ABCB5: variants seen among roughly 807,000 people sequenced by gnomAD.
ABCB5 encodes ATP binding cassette subfamily B member 5, also known as ATP-binding cassette sub-family B member 5.
A neutral mutation model predicts 144.2 loss-of-function variants in ABCB5; 155 were observed. The ratio of observed to expected loss-of-function variants is 1.08; its 90% CI spans 0.94 to 1.23. The LOEUF (loss-of-function observed/expected upper bound fraction) is 1.23, where lower values mean the gene tolerates loss of function less well. Among genes scored for constraint, ABCB5 ranks in the 50% most tolerant of loss-of-function variants. The pLI, the probability that ABCB5 is intolerant of heterozygous loss-of-function variation, is 0.00. For missense variants in ABCB5, 1,830 were observed against 1,520.8 expected, an observed-to-expected ratio of 1.20 and a Z score of -3.38; for synonymous variants, 610 against 528.6, an observed-to-expected ratio of 1.15 and a Z score of -2.11.
intron 22 of ABCB5, 59 bp from the exon 23 acceptor site, chr7:20,728,256 A>G (rs1315271798): frequency 6.3e-7 from 1 of 1,575,398 alleles, no homozygotes; most frequent in Non-Finnish European, 8.7e-7. Flanking sequence ...CTCTACATGT[A>G]TTCAATTGAC....
intron 20 of ABCB5, among the ~76,000 whole-genome samples, chr7:20,710,000 G>A (rs972863441): frequency 1.3e-4 from 20 of 148,282 alleles, no homozygotes; most frequent in Middle Eastern, 3.4e-3. Flanking sequence ...GCTTGAACCC[G>A]GGAGGTGGAG....
chr7:20,652,076 G>C (rs750286063), intron 13 of ABCB5, among the ~76,000 whole-genome samples: 5 of 152,152 alleles, frequency 3.3e-5, no homozygotes, highest in Non-Finnish European at 7.4e-5. Context: ...TGAAAGATAT[G>C]TTAAAGCATA....
intron 14 of ABCB5, chr7:20,659,022 A>G: frequency 6.2e-7 from 1 of 1,600,566 alleles, no homozygotes; most frequent in Non-Finnish European, 8.6e-7. Flanking sequence ...CTTCTTCTAC[A>G]TACACCTGTG....
At chr7:20,700,189 T>C in intron 19 of ABCB5, 54 bp downstream of exon 19, 1 of 1,417,628 alleles carries the variant, frequency 7.1e-7, no homozygotes, top group South Asian at 1.3e-5. Flanking sequence ...TTGTAAAACA[T>C]TCTAGCTTTA....
chr7:20,720,175 GTA>G (rs1291980657), intron 20 of ABCB5, among the ~76,000 whole-genome samples: 2 of 152,098 alleles, frequency 1.3e-5, no homozygotes, highest in Non-Finnish European at 1.5e-5. Context: ...AAACTGATAG[GTA>G]TATGTCAAAG....
chr7:20,685,195 T>G (rs1453706828), intron 15 of ABCB5, among the ~76,000 whole-genome samples: 1 of 152,084 alleles, frequency 6.6e-6, no homozygotes, highest in Non-Finnish European at 1.5e-5. Flanking sequence ...TGTTGAGGAG[T>G]AGGCCCTGTT....
At chr7:20,731,104 C>G (rs561375039) in intron 23 of ABCB5, among the ~76,000 whole-genome samples, 3 of 151,812 alleles carry the variant, frequency 2.0e-5, no homozygotes, top group Non-Finnish European at 2.9e-5. Flanking sequence ...CCTGTAGTCC[C>G]AACACTTTGG....
At chr7:20,749,660 T>A (rs1782855597) in intron 26 of ABCB5, among the ~76,000 whole-genome samples, 1 of 151,972 alleles carries the variant, frequency 6.6e-6, no homozygotes, top group South Asian at 2.1e-4. Flanking sequence ...TGAAGCCCAA[T>A]AGTTAAGATG....
intron 26 of ABCB5, among the ~76,000 whole-genome samples, chr7:20,750,059 T>C (rs1782868509): frequency 6.6e-6 from 1 of 152,148 alleles, no homozygotes; most frequent in African/African-American, 2.4e-5. Context: ...TCACTGAAGA[T>C]TTTTAAATAG....
chr7:20,665,754 GAT>G lies in ABCB5; in HGVS notation c.1707+7080_1707+7081del, dbSNP rs1293263216. On this transcript the variant is annotated intron_variant, in intron 14 of 27. Transcript: ENST00000404938. ...AGATAGATAGATAGATAGATAGATA[GAT>G]AGATAGATAGAGATACATACATACA... 4.2e-3 allele frequency among the ~76,000 whole-genome samples: 595 copies of G among 140,050 alleles called. 9 individuals are homozygous for G. The highest frequency in any genetic ancestry group is 0.012 in the Admixed American group (159 of 13,376). The allele number at this position is 140,050 out of a possible 152,430, so 91.9% of individuals were successfully genotyped here.
chr7:20,742,808 C>T lies in ABCB5; in HGVS notation c.3025-69C>T. ...TGCACAATTTTCAAAATGAACTTGGCCAGTATGCTACAGTGTGTTACAACC... is the reference window on the plus strand; with the variant it reads ...TGCACAATTTTCAAAATGAACTTGGTCAGTATGCTACAGTGTGTTACAACC... On this transcript the variant is annotated intron_variant, in intron 24 of 27. Transcript: ENST00000404938. 2.0e-6 allele frequency: 3 copies of T among 1,469,334 alleles called. No individual in the cohort carries two copies. The Admixed American group carries it at 5.3e-5, about 26-fold the overall frequency. The allele number at this position is 1,469,334 out of a possible 1,614,324, so 91.0% of individuals were successfully genotyped here. A position where few individuals can be genotyped will look rare whatever the true frequency, so the allele number is the denominator to read the frequency against.
chr7:20,654,452 T>TTTC (rs56740661), intron 13 of ABCB5, among the ~76,000 whole-genome samples: 30,422 of 152,028 alleles, frequency 0.2, 3,933 homozygotes, highest in African/African-American at 0.36. Context: ...AACAAGCAGG[T>TTTC]GGAATATCAG....
chr7:20,626,862 T>C (rs1216089040), intron 3 of ABCB5, among the ~76,000 whole-genome samples: 1 of 149,392 alleles, frequency 6.7e-6, no homozygotes, highest in African/African-American at 2.4e-5. Flanking sequence ...GGGGTGTGTG[T>C]GTGTGTGTGT....
intron 13 of ABCB5, among the ~76,000 whole-genome samples, chr7:20,654,016 C>G (rs780425929): frequency 2.0e-5 from 3 of 152,128 alleles, no homozygotes; most frequent in Admixed American, 6.5e-5. Context: ...ACCCTGAGAC[C>G]AAGCCATGAC....
Position 20,755,459 on chromosome 7 carries a change from G to T in ABCB5, c.3609G>T (p.Thr1203=), listed in dbSNP as rs61999295. The T allele has an allele frequency of 3.7e-6, 6 of 1,614,176 alleles. No individual in the cohort carries two copies. The highest frequency in any genetic ancestry group is 5.1e-6 in the Non-Finnish European group (6 of 1,180,024). Residue 1203 remains threonine, a synonymous_variant, in exon 28 of 28, where the codon ACG becomes ACT. Transcript: ENST00000404938. ...AGCATGCCCTTGATAAAGCCAGGAC[G>T]GGAAGGACATGCCTAGTGGTCACTC... ...VVQHALDKAR[T]GRTCLVVTHR...
At chr7:20,688,877 A>G (rs538603133) in intron 16 of ABCB5, among the ~76,000 whole-genome samples, 24 of 152,278 alleles carry the variant, frequency 1.6e-4, no homozygotes, top group African/African-American at 5.8e-4. Flanking sequence ...ACAGAAAACC[A>G]AACACGGCAT....
chr7:20,649,360 A>G (rs1251433044), intron 11 of ABCB5, among the ~76,000 whole-genome samples: 1 of 152,192 alleles, frequency 6.6e-6, no homozygotes, highest in African/African-American at 2.4e-5. Context: ...CTAACTACAT[A>G]CAGATGCAAG....
intron 4 of ABCB5, among the ~76,000 whole-genome samples, chr7:20,629,289 T>C (rs1034674421): frequency 1.3e-5 from 2 of 152,060 alleles, no homozygotes; most frequent in South Asian, 2.1e-4. Flanking sequence ...GAGCCAATGT[T>C]GCAGTTCAAA....
At chr7:20,704,870 CAT>C (rs1481999769) in intron 20 of ABCB5, 63 bp downstream of exon 20, 21 of 1,327,336 alleles carry the variant, frequency 1.6e-5, no homozygotes, top group Non-Finnish European at 2.1e-5. Flanking sequence ...GCAATGCACA[CAT>C]GTGTCTGTGC....
Sources: gnomAD v4.1 joint callset for allele counts (sites outside exome capture counted in the v4.1 genomes callset) on GRCh38, gnomAD v4.1.1 for gene constraint, MANE v1.5 for transcripts, NCBI Gene and HGNC (gene_info 2026-07-23, HGNC 2026-07-21) for gene names.